Variants in SAMD12 observed in about 807,000 individuals in gnomAD.
SAMD12 encodes the protein sterile alpha motif domain containing 12, also known as sterile alpha motif domain-containing protein 12.
In SAMD12, 9 loss-of-function variants were observed where a neutral mutation model predicts 15.0. That is an observed-to-expected ratio of 0.60 (90% CI 0.36 to 1.05). The LOEUF (loss-of-function observed/expected upper bound fraction) is 1.05, where lower values mean the gene tolerates loss of function less well. Ranked by LOEUF, SAMD12 falls within the 50% of genes least tolerant of loss-of-function variation. SAMD12 has a pLI of 0.01. For synonymous variants in SAMD12, 86 were observed against 90.1 expected (o/e 0.96, Z 0.25); for missense variants, 230 against 234.2 (o/e 0.98, Z 0.12).
At chr8:118,595,786 C>T (rs954384289) in intron 1 of SAMD12, among the ~76,000 whole-genome samples, 4 of 152,192 alleles carry the variant, frequency 2.6e-5, no homozygotes, top group Admixed American at 6.5e-5. Context: ...TATTTTAAAA[C>T]TCCTCCCTCT....
chr8:118,548,970 G>A (rs542782895), intron 2 of SAMD12, among the ~76,000 whole-genome samples: 37 of 152,358 alleles, frequency 2.4e-4, no homozygotes, highest in African/African-American at 7.5e-4. Flanking sequence ...CAGCCAGGCT[G>A]GGGGAGGGGC....
intron 1 of SAMD12, among the ~76,000 whole-genome samples, chr8:118,595,083 T>C (rs376997608): frequency 6.6e-6 from 1 of 152,182 alleles, no homozygotes; most frequent in South Asian, 2.1e-4. Context: ...CTGGTTCAAA[T>C]CAACACATAT....
At chr8:118,586,518 T>A (rs570350154) in intron 1 of SAMD12, among the ~76,000 whole-genome samples, 1 of 152,034 alleles carries the variant, frequency 6.6e-6, no homozygotes, top group Non-Finnish European at 1.5e-5. Flanking sequence ...AATTTTTGTA[T>A]TATTTGTAGA....
At position 118,327,278 on chromosome 8, in the gene SAMD12, A is replaced by C. The variant is rs181751084; in HGVS notation, c.433+52282T>G. Among the ~76,000 whole-genome samples, 22 of 152,274 alleles carry C rather than the reference A, an allele frequency of 1.4e-4. No individual in the cohort carries two copies. The East Asian group carries it at 4.0e-3, about 28-fold the overall frequency. ...CCTGGCTTCTTTCTTGCTTCTGAAA[A>C]TCCAGAATGTGTTCTCCATCTCTGT... is the stretch of plus-strand genomic sequence containing the variant. On this transcript the variant is annotated intron_variant, in intron 4 of 4. Coordinates refer to the SAMD12 transcript ENST00000409003.
intron 3 of SAMD12, among the ~76,000 whole-genome samples, chr8:118,384,598 G>C (rs1037281710): frequency 6.6e-6 from 1 of 152,188 alleles, no homozygotes; most frequent in African/African-American, 2.4e-5. Flanking sequence ...CCAATGGCTG[G>C]AGGCACCATT....
At chr8:118,333,797 C>A (rs1210935383) in intron 4 of SAMD12, among the ~76,000 whole-genome samples, 1 of 151,916 alleles carries the variant, frequency 6.6e-6, no homozygotes, top group African/African-American at 2.4e-5. Context: ...ACTCAGTGAT[C>A]AAATAGCCCA....
chr8:118,313,241 T>C (rs1563754831), intron 4 of SAMD12, among the ~76,000 whole-genome samples: 1 of 152,190 alleles, frequency 6.6e-6, no homozygotes, highest in East Asian at 1.9e-4. Flanking sequence ...TGCCCCTATA[T>C]TGACATATTA....
intron 2 of SAMD12, among the ~76,000 whole-genome samples, chr8:118,544,203 C>A (rs1014712371): frequency 3.9e-5 from 6 of 152,112 alleles, no homozygotes; most frequent in African/African-American, 1.4e-4. Flanking sequence ...TATGTGGTGG[C>A]ACAAAAATGA....
At chr8:118,333,291 G>A (rs929625038) in intron 4 of SAMD12, among the ~76,000 whole-genome samples, 2 of 152,040 alleles carry the variant, frequency 1.3e-5, no homozygotes, top group Non-Finnish European at 2.9e-5. Context: ...AAGTTGACAG[G>A]GGCTCAGTGA....
chr8:118,610,115 G>T (rs1474221353), intron 1 of SAMD12, among the ~76,000 whole-genome samples: 2 of 152,256 alleles, frequency 1.3e-5, no homozygotes, highest in African/African-American at 2.4e-5. Context: ...ATTGTGTGCT[G>T]GGGTACGGGT....
At chr8:118,393,157 G>A (rs774198772) in intron 3 of SAMD12, among the ~76,000 whole-genome samples, 10 of 152,166 alleles carry the variant, frequency 6.6e-5, no homozygotes, top group African/African-American at 2.4e-4. Context: ...TGTCAAAGAT[G>A]AGGAAATAGA....
intron 3 of SAMD12, among the ~76,000 whole-genome samples, chr8:118,404,663 G>A (rs1256533672): frequency 1.3e-5 from 2 of 152,116 alleles, no homozygotes; most frequent in African/African-American, 2.4e-5. Flanking sequence ...AGATTTCACG[G>A]GCCAGAATTC....
At chr8:118,535,632 CA>C (rs1378903209) in intron 2 of SAMD12, among the ~76,000 whole-genome samples, 3 of 152,238 alleles carry the variant, frequency 2.0e-5, no homozygotes, top group Admixed American at 2.0e-4. Context: ...TTTACCTACT[CA>C]AGCCTCAGCA....
chr8:118,170,787 G>A, the SAMD12 span, among the ~76,000 whole-genome samples: 1,707 of 152,066 alleles, frequency 0.011, 36 homozygotes, highest in African/African-American at 0.039. Flanking sequence ...TTGTTGAATA[G>A]AACAATGTAA....
chr8:118,602,543 T>A (rs528922032), intron 1 of SAMD12, among the ~76,000 whole-genome samples: 1 of 152,202 alleles, frequency 6.6e-6, no homozygotes. Context: ...TACATAGACA[T>A]TGAAACATAT....
intron 1 of SAMD12, among the ~76,000 whole-genome samples, chr8:118,602,025 A>C (rs1827875860): frequency 6.6e-6 from 1 of 152,198 alleles, no homozygotes; most frequent in African/African-American, 2.4e-5. Context: ...AAGTACCCCC[A>C]GACTTCTTAA....
intron 2 of SAMD12, among the ~76,000 whole-genome samples, chr8:118,459,382 A>G (rs1312188947): frequency 6.7e-6 from 1 of 148,692 alleles, no homozygotes; most frequent in Non-Finnish European, 1.5e-5. Context: ...AATAATTTCT[A>G]ATCTATCACA....
At chr8:118,185,118 G>A (rs1819221652), downstream of SAMD12, among the ~76,000 whole-genome samples, 1 of 151,658 alleles carries the variant, frequency 6.6e-6, no homozygotes, top group Non-Finnish European at 1.5e-5. Flanking sequence ...ATAACACCTG[G>A]GAGACAAAAA....
chr8:118,472,597 C>A (rs1393412709), intron 2 of SAMD12, among the ~76,000 whole-genome samples: 1 of 152,008 alleles, frequency 6.6e-6, no homozygotes, highest in Non-Finnish European at 1.5e-5. Context: ...ATCCCTTTAC[C>A]CCAGGAGTTT....
Sources: allele counts gnomAD v4.1 joint callset (sites outside exome capture counted in the v4.1 genomes callset), GRCh38; gene constraint gnomAD v4.1.1; transcripts MANE v1.5; gene names NCBI Gene and HGNC (gene_info 2026-07-23, HGNC 2026-07-21).